AGO3: variants seen among roughly 807,000 people sequenced by gnomAD.
The protein encoded by AGO3 is argonaute RISC catalytic component 3.
AGO3 carries 16 observed loss-of-function variants against 105.5 expected under a neutral mutation model. The observed-to-expected ratio is 0.15, with a 90% confidence interval of 0.10 to 0.23. The LOEUF is 0.23. Ranked by LOEUF, AGO3 falls within the 10% of genes least tolerant of loss-of-function variation. AGO3 has a pLI of 1.00. For missense variants in AGO3, 534 were observed against 1,088.0 expected (o/e 0.49, Z 7.16); for synonymous variants, 340 against 367.3 (o/e 0.93, Z 0.85).
intron 6 of AGO3, among the ~76,000 whole-genome samples, chr1:36,004,730 G>A (rs1640260179): frequency 6.6e-6 from 1 of 152,040 alleles, no homozygotes. Flanking sequence ...TAGCTGAAGG[G>A]ATAAGAATGT....
chr1:35,931,458 A>G lies in AGO3; in HGVS notation c.19+13A>G, dbSNP rs1646045468. On this transcript the variant is annotated intron_variant, in intron 1 of 18. Coordinates refer to ENST00000373191, the MANE Select transcript of AGO3 (RefSeq NM_024852.4). ...ATCGGCTCCGCAGGTGAGTCAGAGT[A>G]GCTGGGCCAGGTAGGGGATGTCACC... 4 of 1,508,506 alleles carry G rather than the reference A, an allele frequency of 2.7e-6. No individual in the cohort carries two copies. The East Asian group carries it at 8.2e-5, about 31-fold the overall frequency. The allele number at this position is 1,508,506 out of a possible 1,614,324, so 93.4% of individuals were successfully genotyped here.
At chr1:35,948,174 G>A (rs1162256633) in intron 2 of AGO3, among the ~76,000 whole-genome samples, 4 of 151,676 alleles carry the variant, frequency 2.6e-5, no homozygotes, top group Non-Finnish European at 4.4e-5. Flanking sequence ...TGAGTTACAA[G>A]GAAATGATAT....
chr1:35,953,400 T>C (rs2148757339), intron 2 of AGO3, among the ~76,000 whole-genome samples: 1 of 152,374 alleles, frequency 6.6e-6, no homozygotes, highest in Non-Finnish European at 1.5e-5. Flanking sequence ...TCCTAGTGGA[T>C]GTGAAGTTGT....
At chr1:35,978,864 G>A (rs999550109) in intron 5 of AGO3, among the ~76,000 whole-genome samples, 11 of 152,176 alleles carry the variant, frequency 7.2e-5, no homozygotes, top group South Asian at 2.1e-4. Context: ...TGTTTTAGCC[G>A]TATTACAAAG....
chr1:36,033,292 G>A (rs1054743687), intron 12 of AGO3, among the ~76,000 whole-genome samples: 9 of 151,396 alleles, frequency 5.9e-5, no homozygotes, highest in Non-Finnish European at 1.0e-4. Context: ...AGCTGAGATC[G>A]CGCCACTGCA....
intron 5 of AGO3, among the ~76,000 whole-genome samples, chr1:35,978,555 AG>A (rs1382709837): frequency 6.6e-6 from 1 of 152,160 alleles, no homozygotes; most frequent in African/African-American, 2.4e-5. Flanking sequence ...ATTGTGTTGA[AG>A]ATCATTTGAA....
intron 17 of AGO3, among the ~76,000 whole-genome samples, chr1:36,046,150 A>T (rs1642460726): frequency 1.3e-5 from 2 of 152,252 alleles, no homozygotes. Flanking sequence ...AGTCCACATA[A>T]GTGTACCCTC....
At chr1:35,989,407 T>G (rs1647407694) in intron 5 of AGO3, among the ~76,000 whole-genome samples, 2 of 152,222 alleles carry the variant, frequency 1.3e-5, no homozygotes, top group Admixed American at 1.3e-4. Context: ...TTACAATTGA[T>G]GGTTTGTCAC....
intron 4 of AGO3, 102 bp downstream of exon 4, chr1:35,972,334 T>C: frequency 7.7e-7 from 1 of 1,293,996 alleles, no homozygotes; most frequent in Non-Finnish European, 1.1e-6. Flanking sequence ...ATTTTGATTG[T>C]TCAACTGAAA....
chr1:36,026,206 T>C (rs938575041), intron 11 of AGO3, among the ~76,000 whole-genome samples: 1 of 152,100 alleles, frequency 6.6e-6, no homozygotes, highest in Non-Finnish European at 1.5e-5. Flanking sequence ...CTTCCCAGAT[T>C]CAAGTGATTC....
chr1:35,990,062 T>C lies in AGO3; in HGVS notation c.659-14279T>C, dbSNP rs1436415073. Among the ~76,000 whole-genome samples the C allele has an allele frequency of 2.0e-5, 3 of 152,170 alleles. No individual in the cohort carries two copies. In the East Asian group the frequency reaches 5.8e-4, roughly 29 times the overall value. The stretch of plus-strand genomic sequence containing the variant: ...GTTGGTAGTATCATCAACTGAAGTT[T>C]AGAGACAGAAAGTCACATAGTTTAT... On this transcript the variant is annotated intron_variant, in intron 5 of 18. Transcript: ENST00000373191.
At chr1:36,015,226 C>T (rs1464875900) in intron 11 of AGO3, among the ~76,000 whole-genome samples, 2 of 152,110 alleles carry the variant, frequency 1.3e-5, no homozygotes, top group East Asian at 3.8e-4. Flanking sequence ...ACTATGTTTA[C>T]TGTTTTATTA....
At chr1:35,948,993 G>C (rs1015322729) in intron 2 of AGO3, among the ~76,000 whole-genome samples, 5 of 151,828 alleles carry the variant, frequency 3.3e-5, no homozygotes, top group Non-Finnish European at 4.4e-5. Flanking sequence ...GCCCAGGCTG[G>C]TATGCAATGG....
Position 36,045,521 on chromosome 1 carries a change from CTT to C in AGO3, c.2274+1984_2274+1985del, listed in dbSNP as rs796933850. On this transcript the variant is annotated intron_variant, in intron 17 of 18. Transcript: ENST00000373191. ...ACAGACATGAGCCACCATGTCCGAC[CTT>C]TTTTTTTTTTGAGATGGAGTTTTGC... is the stretch of plus-strand genomic sequence containing the variant. Among the ~76,000 whole-genome samples, 129 of 144,756 alleles carry C rather than the reference CTT, an allele frequency of 8.9e-4. 1 individual carries two copies. Among genetic ancestry groups the C allele is most frequent in the African/African-American group, 3.1e-3 (123 of 39,700 alleles). The allele number at this position is 144,756 out of a possible 152,430, so 95.0% of individuals were successfully genotyped here.
At chr1:35,992,529 A>T (rs544327201) in intron 5 of AGO3, among the ~76,000 whole-genome samples, 1 of 152,152 alleles carries the variant, frequency 6.6e-6, no homozygotes, top group South Asian at 2.1e-4. Flanking sequence ...TTTTAAATTC[A>T]TAGTTACAGT....
intron 1 of AGO3, among the ~76,000 whole-genome samples, chr1:35,945,196 CTCTTT>C (rs557767266): frequency 8.0e-4 from 121 of 150,608 alleles, no homozygotes; most frequent in Non-Finnish European, 1.2e-3. Flanking sequence ...TCTTATTTTA[CTCTTT>C]TCTTTTCTTT....
intron 2 of AGO3, among the ~76,000 whole-genome samples, chr1:35,952,073 C>G (rs1253579412): frequency 1.3e-5 from 2 of 151,622 alleles, no homozygotes; most frequent in East Asian, 3.9e-4. Flanking sequence ...AACCACTAAT[C>G]TACTTTCTTT....
chr1:36,026,328 G>A (rs1292051318), intron 11 of AGO3, among the ~76,000 whole-genome samples: 3 of 151,878 alleles, frequency 2.0e-5, no homozygotes, highest in Non-Finnish European at 2.9e-5. Flanking sequence ...AGCTGGTCTC[G>A]AACTCCTGAC....
At chr1:36,018,606 G>C (rs372032922) in intron 11 of AGO3, among the ~76,000 whole-genome samples, 3 of 151,832 alleles carry the variant, frequency 2.0e-5, no homozygotes, top group Non-Finnish European at 2.9e-5. Flanking sequence ...CTAATTTTTT[G>C]TATTTTAGTA....
Sources: allele counts gnomAD v4.1 joint callset (sites outside exome capture counted in the v4.1 genomes callset), GRCh38; gene constraint gnomAD v4.1.1; transcripts MANE v1.5; gene names NCBI Gene and HGNC (gene_info 2026-07-23, HGNC 2026-07-21).